ERC2: variants seen among roughly 807,000 people sequenced by gnomAD.
ERC2 encodes ERC protein 2.
In ERC2, 42 loss-of-function variants were observed where a neutral mutation model predicts 114.8. The ratio of observed to expected loss-of-function variants is 0.37; its 90% CI spans 0.29 to 0.47. The LOEUF is 0.47. Ranked by LOEUF, ERC2 falls within the 20% of genes least tolerant of loss-of-function variation. The pLI, the probability that ERC2 is intolerant of heterozygous loss-of-function variation, is 0.99. For synonymous variants in ERC2, 454 were observed against 425.5 expected (o/e 1.07, Z -0.82); for missense variants, 939 against 1,150.7 (o/e 0.82, Z 2.66).
rs115088201 is a variant in ERC2, at chr3:56,325,173, G to A, written c.658-28738C>T. 9.1e-3 allele frequency among the ~76,000 whole-genome samples: 1,378 copies of A among 152,072 alleles called. 19 individuals carry two copies. The highest frequency in any genetic ancestry group is 0.03 in the African/African-American group (1,259 of 41,492). On this transcript the variant is annotated intron_variant, in intron 2 of 17. Transcript: ENST00000288221. ...TAAAACTATATACCCGGCTGGGTGCGGTGGCTCACGTCTGTAATCCCAGCA... is the reference window on the plus strand; with the variant it reads ...TAAAACTATATACCCGGCTGGGTGCAGTGGCTCACGTCTGTAATCCCAGCA...
intron 17 of ERC2, among the ~76,000 whole-genome samples, chr3:55,645,417 A>C (rs563452001): frequency 6.6e-6 from 1 of 152,230 alleles, no homozygotes; most frequent in South Asian, 2.1e-4. Context: ...CCAATCCCTC[A>C]CTTTGAAGCC....
chr3:56,156,696 C>T (rs184071160), intron 4 of ERC2, among the ~76,000 whole-genome samples: 4 of 152,282 alleles, frequency 2.6e-5, no homozygotes, highest in Admixed American at 2.6e-4. Flanking sequence ...GAGCTTTCTA[C>T]ATCCCTAGTG....
chr3:55,721,800 A>C lies in ERC2; in HGVS notation c.2712+12971T>G, dbSNP rs143530926. On this transcript the variant is annotated intron_variant, in intron 15 of 17. Transcript: ENST00000288221. Reference sequence around the variant, plus strand: ...CCCAAACCAGGAAGACTGACAACAGAAACTCTGCCTGGCTTTGTGATCCAC... The same window carrying C: ...CCCAAACCAGGAAGACTGACAACAGCAACTCTGCCTGGCTTTGTGATCCAC... Among the ~76,000 whole-genome samples the C allele has an allele frequency of 5.6e-3, 852 of 152,326 alleles. 6 individuals are homozygous for C. The highest frequency in any genetic ancestry group is 0.017 in the Middle Eastern group (5 of 294).
chr3:56,460,107 T>C (rs2063243923), intron 1 of ERC2, among the ~76,000 whole-genome samples: 1 of 152,200 alleles, frequency 6.6e-6, no homozygotes, highest in Non-Finnish European at 1.5e-5. Flanking sequence ...TATTAACAAT[T>C]AAGTCAGTGA....
At chr3:55,787,111 A>C (rs1307989270) in intron 14 of ERC2, among the ~76,000 whole-genome samples, 3 of 152,206 alleles carry the variant, frequency 2.0e-5, no homozygotes, top group Non-Finnish European at 4.4e-5. Flanking sequence ...ATCTGTAAGA[A>C]AAGAATAAAA....
chr3:56,440,855 A>G (rs547606635), intron 1 of ERC2, among the ~76,000 whole-genome samples: 2 of 152,322 alleles, frequency 1.3e-5, no homozygotes, highest in African/African-American at 4.8e-5. Context: ...TAGATGCCAC[A>G]AAGTATTTTT....
intron 14 of ERC2, among the ~76,000 whole-genome samples, chr3:55,865,607 G>C (rs1418436778): frequency 6.6e-6 from 1 of 151,894 alleles, no homozygotes; most frequent in Non-Finnish European, 1.5e-5. Flanking sequence ...CCCATTACCA[G>C]TCACCTCTCT....
chr3:56,077,202 T>G (rs145162085), intron 7 of ERC2, among the ~76,000 whole-genome samples: 1 of 152,224 alleles, frequency 6.6e-6, no homozygotes, highest in Non-Finnish European at 1.5e-5. Flanking sequence ...AGTCAGCTTC[T>G]AAATCATATG....
At chr3:56,241,478 C>G (rs2051317866) in intron 3 of ERC2, among the ~76,000 whole-genome samples, 1 of 152,134 alleles carries the variant, frequency 6.6e-6, no homozygotes, top group Non-Finnish European at 1.5e-5. Context: ...CTATGGAAAA[C>G]AGTGCGGAGA....
chr3:56,204,492 T>TTTTATTTTAC (rs1242336712), intron 3 of ERC2, among the ~76,000 whole-genome samples: 2 of 148,174 alleles, frequency 1.3e-5, no homozygotes, highest in African/African-American at 2.5e-5. Context: ...TTTTATTTTA[T>TTTTATTTTAC]TTTATTTTAT....
intron 13 of ERC2, among the ~76,000 whole-genome samples, chr3:55,912,919 C>T (rs1031290318): frequency 2.0e-5 from 3 of 152,192 alleles, no homozygotes; most frequent in African/African-American, 7.2e-5. Context: ...CAAATTTTTT[C>T]CATCAGTGCT....
intron 3 of ERC2, among the ~76,000 whole-genome samples, chr3:56,205,263 A>C (rs560846403): frequency 3.9e-5 from 6 of 152,230 alleles, no homozygotes; most frequent in African/African-American, 1.4e-4. Context: ...AGCAAGCAGG[A>C]CCCTGTGTTC....
At chr3:55,905,737 T>C (rs1270810139) in intron 13 of ERC2, among the ~76,000 whole-genome samples, 1 of 152,166 alleles carries the variant, frequency 6.6e-6, no homozygotes, top group Non-Finnish European at 1.5e-5. Context: ...CTACATCCCA[T>C]GCAACCCTTG....
intron 15 of ERC2, among the ~76,000 whole-genome samples, chr3:55,716,890 A>G (rs935971167): frequency 1.3e-5 from 2 of 152,158 alleles, no homozygotes; most frequent in Admixed American, 6.5e-5. Flanking sequence ...ATATATGGAG[A>G]CCAAGTGTTT....
intron 16 of ERC2, among the ~76,000 whole-genome samples, chr3:55,698,674 T>C (rs1040059220): frequency 3.9e-5 from 6 of 152,178 alleles, no homozygotes; most frequent in Admixed American, 3.9e-4. Flanking sequence ...GAAATATTGC[T>C]CATATTGACT....
At chr3:56,242,288 T>G (rs1283050271) in intron 3 of ERC2, among the ~76,000 whole-genome samples, 1 of 151,950 alleles carries the variant, frequency 6.6e-6, no homozygotes, top group Non-Finnish European at 1.5e-5. Flanking sequence ...AGCATAAGAA[T>G]GATATAATGG....
At chr3:55,663,851 G>C (rs966081131) in intron 17 of ERC2, among the ~76,000 whole-genome samples, 1 of 152,178 alleles carries the variant, frequency 6.6e-6, no homozygotes, top group Non-Finnish European at 1.5e-5. Context: ...AGGAATGCAA[G>C]GAACCCTGTT....
chr3:55,537,552 C>T (rs536466200), intron 17 of ERC2, among the ~76,000 whole-genome samples: 27 of 152,322 alleles, frequency 1.8e-4, no homozygotes, highest in Admixed American at 6.5e-4. Flanking sequence ...CTCCCCGACT[C>T]GCACTTTAGA....
chr3:55,711,549 T>C (rs2063779021), intron 15 of ERC2, among the ~76,000 whole-genome samples: 1 of 152,218 alleles, frequency 6.6e-6, no homozygotes, highest in Non-Finnish European at 1.5e-5. Flanking sequence ...GCGTATACTT[T>C]TGTTTACCAG....
Sources: gnomAD v4.1 joint callset for allele counts (sites outside exome capture counted in the v4.1 genomes callset) on GRCh38, gnomAD v4.1.1 for gene constraint, MANE v1.5 for transcripts, NCBI Gene and HGNC (gene_info 2026-07-23, HGNC 2026-07-21) for gene names.